CPLANE1: variants seen among roughly 807,000 people sequenced by gnomAD.
CPLANE1 encodes the protein ciliogenesis and planar polarity effector 1.
Under a neutral mutation model 362.5 loss-of-function variants are expected in CPLANE1, and 263 were observed. The ratio of observed to expected loss-of-function variants is 0.73; its 90% confidence interval spans 0.66 to 0.80. The LOEUF (loss-of-function observed/expected upper bound fraction) is 0.80, where lower values mean the gene tolerates loss of function less well. Among genes scored for constraint, CPLANE1 ranks in the 30% least tolerant of loss-of-function variants. The pLI is 0.00. For synonymous variants in CPLANE1, 1,212 were observed against 1,302.6 expected (o/e 0.93, Z 1.50); for missense variants, 3,461 against 3,793.4 (o/e 0.91, Z 2.30).
rs1781055483 is a variant in CPLANE1, at chr5:37,175,963, G to A, written c.5924C>T (p.Pro1975Leu). The stretch of plus-strand genomic sequence containing the variant: ...CATTGATTGAGGAGTGGTATGCCCA[G>A]GATGTGAAAAGGCTTCGATCATACT... ...QKGMIEAFSHPGHTTPQSMQV... is the reference protein window; with the variant it reads ...QKGMIEAFSHLGHTTPQSMQV... Residue 1975 changes from proline (P) to leucine (L), a missense_variant, in exon 31 of 53, where the codon CCT becomes CTT. Coordinates refer to ENST00000651892, the MANE Select transcript of CPLANE1 (RefSeq NM_001384732.1). 1 of 1,612,980 alleles carries A rather than the reference G, an allele frequency of 6.2e-7. No individual in the cohort carries two copies.
chr5:37,242,941 G>A, intron 6 of CPLANE1, 72 bp downstream of exon 6: 1 of 991,700 alleles, frequency 1.0e-6, no homozygotes, highest in African/African-American at 1.7e-5. Context: ...CAGTCTGGGT[G>A]ACACAGCAAG....
Position 37,195,850 on chromosome 5 carries a change from G to T in CPLANE1, c.3811+8C>A. The T allele has an allele frequency of 6.2e-7, 1 of 1,601,614 alleles. No homozygotes were observed. Among genetic ancestry groups the T allele is most frequent in the South Asian group, 1.1e-5 (1 of 88,060 alleles). On this transcript the variant is annotated splice_region_variant and intron_variant, in intron 21 of 52. Coordinates refer to ENST00000651892, the MANE Select transcript of CPLANE1 (RefSeq NM_001384732.1). ...ATACTCTAAGCAAGCAGTTCATTTTGGACAAACCTATTGCTCTAATGGAAA... is the reference window on the plus strand; with the variant it reads ...ATACTCTAAGCAAGCAGTTCATTTTTGACAAACCTATTGCTCTAATGGAAA...
intron 11 of CPLANE1, 66 bp downstream of exon 11, chr5:37,227,177 A>G: frequency 6.6e-7 from 1 of 1,521,056 alleles, no homozygotes; most frequent in South Asian, 1.3e-5. Context: ...CAAGAGAAAA[A>G]CAGAATATGT....
intron 47 of CPLANE1, among the ~76,000 whole-genome samples, chr5:37,122,971 G>T (rs1022828915): frequency 6.6e-6 from 1 of 152,094 alleles, no homozygotes; most frequent in South Asian, 2.1e-4. Context: ...ATATTTTATT[G>T]AATTAATTAG....
intron 29 of CPLANE1, among the ~76,000 whole-genome samples, chr5:37,178,401 C>T (rs925862229): frequency 6.6e-6 from 1 of 151,348 alleles, no homozygotes; most frequent in African/African-American, 2.4e-5. Flanking sequence ...AGTTCAAGAC[C>T]AGCCTAAGCA....
Position 37,120,231 on chromosome 5 carries a change from A to T in CPLANE1, c.9295T>A (p.Ser3099Thr). 3 of 1,602,538 alleles carry T rather than the reference A, an allele frequency of 1.9e-6. No individual in the cohort carries two copies. In the South Asian group the frequency reaches 3.4e-5, roughly 18 times the overall value. The change falls in exon 50 of 53, where the codon TCA becomes ACA. Residue 3099 changes from serine (S) to threonine (T), a missense_variant. Around this residue, in one of 2 missense-constraint regions of CPLANE1, gnomAD observed 3,380 missense variants for 3,666.1 expected, o/e 0.92. Transcript: ENST00000651892. ...TAAGTCTTACCATGTGGCCAAGGTGAGCCTTGAGGTTGCCCAAAAGACTTC... is the reference window on the plus strand; with the variant it reads ...TAAGTCTTACCATGTGGCCAAGGTGTGCCTTGAGGTTGCCCAAAAGACTTC... ...KRKSFGQPQG[S>T]PWPHGTATFT... is the part of the protein sequence containing the mutation.
chr5:37,108,243 G>A, intron 52 of CPLANE1, 50 bp downstream of exon 52: 1 of 1,504,436 alleles, frequency 6.6e-7, no homozygotes, highest in Non-Finnish European at 9.1e-7. Flanking sequence ...CAAAAAACCT[G>A]AAGAACATAG....
At chr5:37,108,655 T>C (rs753794695) in intron 51 of CPLANE1, among the ~76,000 whole-genome samples, 184 bp from the exon 52 acceptor site, 26 of 152,214 alleles carry the variant, frequency 1.7e-4, no homozygotes, top group South Asian at 4.1e-4. Flanking sequence ...CTGTACGAGA[T>C]GGAAACTGAA....
At chr5:37,182,036 G>A (rs1205641245) in intron 26 of CPLANE1, among the ~76,000 whole-genome samples, 3 of 150,434 alleles carry the variant, frequency 2.0e-5, no homozygotes, top group Non-Finnish European at 4.4e-5. Context: ...AGGTTGCAGT[G>A]AGTTGAGATC....
intron 21 of CPLANE1, among the ~76,000 whole-genome samples, chr5:37,194,778 C>G (rs1364798664): frequency 6.6e-6 from 1 of 151,780 alleles, no homozygotes; most frequent in Non-Finnish European, 1.5e-5. Context: ...CAAGCAACCT[C>G]CTACCTCAGC....
chr5:37,175,909 C>T lies in CPLANE1; in HGVS notation c.5978G>A (p.Ser1993Asn). The change falls in exon 31 of 53, where the codon AGT (serine) becomes AAT (asparagine). Residue 1993 changes from serine (S) to asparagine (N), a missense_variant and splice_region_variant. Transcript: ENST00000651892. ...TGGTATAGTAGGCAAAACTTCTTACCTAGAAATTTCTGAACTCGTATCTAC... is the reference window on the plus strand; with the variant it reads ...TGGTATAGTAGGCAAAACTTCTTACTTAGAAATTTCTGAACTCGTATCTAC... Reference protein sequence around the residue: ...MQVDTSSEISSAQISTYKEKS... With the variant: ...MQVDTSSEISNAQISTYKEKS... 1 of 1,608,864 alleles carries T rather than the reference C, an allele frequency of 6.2e-7. No homozygotes were observed. Among genetic ancestry groups the T allele is most frequent in the Non-Finnish European group, 8.5e-7 (1 of 1,176,028 alleles).
At chr5:37,078,095 T>TTTG in the CPLANE1 span, among the ~76,000 whole-genome samples, 2 of 152,166 alleles carry the variant, frequency 1.3e-5, no homozygotes, top group African/African-American at 4.8e-5. Context: ...GATGTGCAGG[T>TTTG]TTGTTACATA....
intron 45 of CPLANE1, 46 bp downstream of exon 45, chr5:37,139,294 C>T (rs1768891201): frequency 5.1e-6 from 7 of 1,384,728 alleles, no homozygotes; most frequent in Admixed American, 2.5e-5. Context: ...TCACTATCTA[C>T]ACCCAACTTT....
the CPLANE1 span, among the ~76,000 whole-genome samples, chr5:37,083,926 A>C: frequency 6.6e-6 from 1 of 152,228 alleles, no homozygotes; most frequent in African/African-American, 2.4e-5. Flanking sequence ...AGAAGCACAA[A>C]GAACACCTGG....
chr5:37,078,731 A>C, the CPLANE1 span, among the ~76,000 whole-genome samples: 3 of 143,518 alleles, frequency 2.1e-5, no homozygotes, highest in African/African-American at 7.9e-5. Context: ...TTTTTTTTTG[A>C]CATTTTAATA....
rs752088404 is a variant in CPLANE1 at position 37,221,355 on chromosome 5, T to C, written c.2715A>G (p.Gln905=). ...QLAREILRWS[Q]LPVKENKDFS... ...AATCTTTATTTTCTTTTACAGGTAGTTGGGACCATCTCAGGATTTCTCTTG... is the reference window on the plus strand; with the variant it reads ...AATCTTTATTTTCTTTTACAGGTAGCTGGGACCATCTCAGGATTTCTCTTG... Residue 905 remains glutamine, a synonymous_variant, in exon 15 of 53, where the codon CAA becomes CAG. Transcript: ENST00000651892. The C allele has an allele frequency of 4.0e-5, 60 of 1,510,114 alleles. No individual in the cohort carries two copies. Among genetic ancestry groups the C allele is most frequent in the African/African-American group, 7.1e-5 (5 of 70,136 alleles). 93.5% of individuals were successfully genotyped at this position (1,510,114 alleles called of 1,614,324 possible).
chr5:37,154,456 G>GTTTTTTTTTTT (rs1457651303), intron 41 of CPLANE1, among the ~76,000 whole-genome samples: 10 of 83,068 alleles, frequency 1.2e-4, no homozygotes, highest in African/African-American at 4.7e-4. Flanking sequence ...ATTTGCAATA[G>GTTTTTTTTTTT]TTCTTTTTTT....
In CPLANE1 at chr5:37,121,643, A is replaced by G. The variant is rs1041919795; in HGVS notation, c.9159T>C (p.Ser3053=). Residue 3053 remains serine (S), a synonymous_variant, in exon 49 of 53, where the codon AGT becomes AGC. Transcript: ENST00000651892. Reference sequence around the variant, plus strand: ...CTCTTGGAGAAGGGCAGTGTTGACAACTGGAAGACTGAGTAGGGCTGGGTT... The same window carrying G: ...CTCTTGGAGAAGGGCAGTGTTGACAGCTGGAAGACTGAGTAGGGCTGGGTT... ...PNKPSPTQSS[S]CQHCPSPRGE... 1 of 1,614,150 alleles carries G rather than the reference A, an allele frequency of 6.2e-7. No individual in the cohort carries two copies. The highest frequency in any genetic ancestry group is 1.3e-5 in the African/African-American group (1 of 75,034).
intron 18 of CPLANE1, 111 bp from the exon 19 acceptor site, chr5:37,201,919 A>G: frequency 1.5e-6 from 1 of 671,406 alleles, no homozygotes; most frequent in East Asian, 2.7e-5. Context: ...GAATGAACAC[A>G]TTGGTTGACA....
Sources: gnomAD v4.1 joint callset for allele counts (sites outside exome capture counted in the v4.1 genomes callset) on GRCh38, gnomAD v4.1.1 for gene constraint, gnomAD v4.1.1 regional missense constraint, MANE v1.5 for transcripts, NCBI Gene and HGNC (gene_info 2026-07-23, HGNC 2026-07-21) for gene names.